Variants in SF3A3 observed in about 807,000 individuals in gnomAD.
The protein encoded by SF3A3 is splicing factor 3a subunit 3.
SF3A3 carries 9 observed loss-of-function variants against 85.8 expected under a neutral mutation model. The ratio of observed to expected loss-of-function variants is 0.10; its 90% CI spans 0.06 to 0.18. SF3A3 has a LOEUF of 0.18. SF3A3 is among the 10% of genes least tolerant of loss of function. The pLI is 1.00. For missense variants in SF3A3, 306 were observed against 593.3 expected, an observed-to-expected ratio of 0.52 and a Z score of 5.03; for synonymous variants, 195 against 204.4, an observed-to-expected ratio of 0.95 and a Z score of 0.39.
At position 37,989,611 on chromosome 1, in the gene SF3A3, G is replaced by C; in HGVS notation, c.97-16C>G. 6.2e-7 allele frequency: 1 copy of C among 1,613,584 alleles called. No individual in the cohort carries two copies. The highest frequency in any genetic ancestry group is 8.5e-7 in the Non-Finnish European group (1 of 1,179,800). ...GGTCCCGGAGCTGAAAAAACAAACG[G>C]TGACACAAACGCCGTTAGTTTGCGT... On this transcript the variant is annotated splice_polypyrimidine_tract_variant and intron_variant, in intron 1 of 16. Coordinates refer to ENST00000373019, the MANE Select transcript of SF3A3 (RefSeq NM_006802.4).
chr1:37,986,624 ACATGGTGAAACCCTGTCT>A (rs1454035474), intron 4 of SF3A3, among the ~76,000 whole-genome samples: 2 of 152,004 alleles, frequency 1.3e-5, no homozygotes, highest in Non-Finnish European at 2.9e-5. Context: ...ATCCTGGCTA[ACATGGTGAAACCCTGTCT>A]CAACTAAAAA....
chr1:37,986,658 T>C (rs983072833), intron 4 of SF3A3, among the ~76,000 whole-genome samples: 5 of 151,032 alleles, frequency 3.3e-5, no homozygotes, highest in Non-Finnish European at 5.9e-5. Context: ...AAAAAATACA[T>C]AAAATTAGCC....
rs1229419694 is a variant in SF3A3 at position 37,978,816 on chromosome 1, T to C, written c.839A>G (p.Glu280Gly). 6.4e-7 allele frequency: 1 copy of C among 1,573,352 alleles called. No homozygotes were observed. Among genetic ancestry groups the C allele is most frequent in the Non-Finnish European group, 8.6e-7 (1 of 1,157,494 alleles). ...LGLKCGGTLE[E>G]RAQRLFSTKG... ...GGTACTGAATAGTCTCTGGGCTCGC[T>C]CTTCTAGGGTCCTAAGGAGACAGGA... The change falls in exon 11 of 17, where the codon GAG (glutamate) becomes GGG (glycine). Residue 280 changes from glutamate (E) to glycine (G), a missense_variant. By Grantham distance (98) the Glu-to-Gly change is moderately conservative. Coordinates refer to ENST00000373019, the MANE Select transcript of SF3A3 (RefSeq NM_006802.4).
chr1:37,973,929 T>C (rs1048627604), intron 12 of SF3A3, among the ~76,000 whole-genome samples: 40 of 152,258 alleles, frequency 2.6e-4, no homozygotes, highest in African/African-American at 9.6e-4. Flanking sequence ...GTGTCCTTTG[T>C]AGGGACATGG....
intron 4 of SF3A3, among the ~76,000 whole-genome samples, chr1:37,987,163 C>A (rs148239878): frequency 2.0e-5 from 3 of 152,160 alleles, no homozygotes; most frequent in South Asian, 4.1e-4. Context: ...ACTGCAACCT[C>A]CACCTCCCAG....
intron 15 of SF3A3, among the ~76,000 whole-genome samples, chr1:37,962,162 A>G (rs1236904945): frequency 6.6e-6 from 1 of 151,394 alleles, no homozygotes. Flanking sequence ...TAATATGCAC[A>G]TCAGGAAGGA....
At chr1:37,962,908 A>G (rs1024636908) in intron 15 of SF3A3, among the ~76,000 whole-genome samples, 1 of 151,876 alleles carries the variant, frequency 6.6e-6, no homozygotes, top group African/African-American at 2.4e-5. Flanking sequence ...CAACAAAGTG[A>G]AACCCCACCT....
intron 7 of SF3A3, among the ~76,000 whole-genome samples, chr1:37,980,999 G>A (rs1202507223): frequency 1.3e-5 from 2 of 151,816 alleles, no homozygotes; most frequent in South Asian, 2.1e-4. Context: ...ACAGGCATGC[G>A]CCACCATGCC....
Position 37,978,809 on chromosome 1 carries a change from G to A in SF3A3, c.846C>T (p.Ala282=), listed in dbSNP as rs139660401. 2,273 of 1,572,890 alleles carry A rather than the reference G, an allele frequency of 1.4e-3. 4 individuals are homozygous for A. Among genetic ancestry groups the A allele is most frequent in the Middle Eastern group, 3.2e-3 (19 of 6,022 alleles). ...LKCGGTLEER[A]QRLFSTKGKS... ...TTCCTTTGGTACTGAATAGTCTCTG[G>A]GCTCGCTCTTCTAGGGTCCTAAGGA... The change falls in exon 11 of 17, where the codon GCC becomes GCT. Residue 282 remains alanine (A), a synonymous_variant. Transcript: ENST00000373019.
chr1:37,961,844 G>A (rs561880016), intron 15 of SF3A3, among the ~76,000 whole-genome samples: 13 of 150,434 alleles, frequency 8.6e-5, no homozygotes, highest in Non-Finnish European at 1.6e-4. Context: ...CACTTTGGGA[G>A]GCTGAGGTGG....
chr1:37,988,498 C>T lies in SF3A3; in HGVS notation c.145-662G>A, dbSNP rs543438689. Among the ~76,000 whole-genome samples the T allele has an allele frequency of 2.1e-4, 32 of 152,236 alleles. 1 individual carries two copies. The South Asian group carries it at 6.0e-3, about 29-fold the overall frequency. On this transcript the variant is annotated intron_variant, in intron 2 of 16. Coordinates refer to ENST00000373019, the MANE Select transcript of SF3A3 (RefSeq NM_006802.4). ...GACCATAAAAAGCCTATCACAGGTT[C>T]GGGCCAGGTTTTACTGTCAAGTGAG...
At chr1:37,985,580 G>GTTT (rs918146970) in intron 4 of SF3A3, among the ~76,000 whole-genome samples, 1 of 151,898 alleles carries the variant, frequency 6.6e-6, no homozygotes, top group Non-Finnish European at 1.5e-5. Context: ...GCCTGCATAG[G>GTTT]TTTTTGTTTT....
chr1:37,977,031 T>C, intron 11 of SF3A3, 78 bp from the exon 12 acceptor site: 1 of 948,500 alleles, frequency 1.1e-6, no homozygotes, highest in East Asian at 2.4e-5. Context: ...GGAACATTTA[T>C]TGCACAACTG....
intron 12 of SF3A3, among the ~76,000 whole-genome samples, chr1:37,974,554 G>A (rs1304746151): frequency 6.6e-6 from 1 of 152,010 alleles, no homozygotes; most frequent in African/African-American, 2.4e-5. Flanking sequence ...TGCCCGCCTT[G>A]GCCTCACAAA....
intron 12 of SF3A3, among the ~76,000 whole-genome samples, chr1:37,972,130 CCTT>C (rs1646348805): frequency 6.6e-6 from 1 of 152,206 alleles, no homozygotes; most frequent in South Asian, 2.1e-4. Flanking sequence ...CCCAAAATCT[CCTT>C]AAGCTGATAA....
At chr1:37,978,347 A>G (rs1365916018) in intron 11 of SF3A3, among the ~76,000 whole-genome samples, 4 of 152,048 alleles carry the variant, frequency 2.6e-5, no homozygotes, top group Admixed American at 6.6e-5. Context: ...AAAAAAAAAA[A>G]AAAAGAAAAA....
chr1:37,967,821 T>C (rs188580222), intron 15 of SF3A3, among the ~76,000 whole-genome samples: 166 of 151,152 alleles, frequency 1.1e-3, no homozygotes, highest in African/African-American at 3.9e-3. Flanking sequence ...GACTGCACCA[T>C]TACACTCCAG....
At position 37,989,854 on chromosome 1, in the gene SF3A3, C is replaced by T. The variant is rs1646483636; in HGVS notation, c.96+16G>A. The T allele has an allele frequency of 1.3e-6, 2 of 1,598,668 alleles. No homozygotes were observed. The highest frequency in any genetic ancestry group is 1.7e-6 in the Non-Finnish European group (2 of 1,166,632). ...GCTCGTGCTCCTGCCGCAGCCTCTGCTCAGGCCCCACTCACCGTGGACTTC... is the reference window on the plus strand; with the variant it reads ...GCTCGTGCTCCTGCCGCAGCCTCTGTTCAGGCCCCACTCACCGTGGACTTC... On this transcript the variant is annotated intron_variant, in intron 1 of 16. Coordinates refer to ENST00000373019, the MANE Select transcript of SF3A3 (RefSeq NM_006802.4).
intron 5 of SF3A3, 127 bp downstream of exon 5, chr1:37,984,580 A>G (rs955305801): frequency 1.3e-5 from 10 of 741,412 alleles, no homozygotes; most frequent in Non-Finnish European, 2.4e-5. Context: ...TCTAGCCCAG[A>G]AACCAGCAAA....
Sources: gnomAD v4.1 joint callset for allele counts (sites outside exome capture counted in the v4.1 genomes callset) on GRCh38, gnomAD v4.1.1 for gene constraint, MANE v1.5 for transcripts, NCBI Gene and HGNC (gene_info 2026-07-23, HGNC 2026-07-21) for gene names.